Variants in DAPK1 observed in about 807,000 individuals in gnomAD.
DAPK1 encodes the protein death associated protein kinase 1.
In DAPK1, 56 loss-of-function variants were observed where a neutral mutation model predicts 144.9. That is an observed-to-expected ratio of 0.39 (90% confidence interval 0.31 to 0.48). DAPK1 has a LOEUF of 0.48. Among genes scored for constraint, DAPK1 ranks in the 20% least tolerant of loss-of-function variants. The pLI, the probability that DAPK1 is intolerant of heterozygous loss-of-function variation, is 0.95. For synonymous variants in DAPK1, 690 were observed against 749.0 expected (o/e 0.92, Z 1.29); for missense variants, 1,454 against 1,875.4 (o/e 0.78, Z 4.15).
intron 2 of DAPK1, among the ~76,000 whole-genome samples, chr9:87,557,614 C>A (rs1363316197): frequency 1.3e-5 from 2 of 152,072 alleles, no homozygotes; most frequent in Non-Finnish European, 2.9e-5. Flanking sequence ...AGAAGTGATC[C>A]ATTAAAAGAA....
chr9:87,524,488 G>A (rs1180638385), intron 2 of DAPK1, among the ~76,000 whole-genome samples: 1 of 152,196 alleles, frequency 6.6e-6, no homozygotes, highest in Non-Finnish European at 1.5e-5. Context: ...CTTTCTCAGA[G>A]CCTAACAGTA....
intron 2 of DAPK1, among the ~76,000 whole-genome samples, chr9:87,564,856 A>G (rs938173531): frequency 2.6e-5 from 4 of 152,160 alleles, no homozygotes; most frequent in African/African-American, 9.7e-5. Flanking sequence ...AACACATTCA[A>G]ACCACAGCCA....
At chr9:87,571,190 G>A (rs189546011) in intron 2 of DAPK1, among the ~76,000 whole-genome samples, 10 of 152,050 alleles carry the variant, frequency 6.6e-5, no homozygotes, top group Admixed American at 3.3e-4. Context: ...TTGTACCCTG[G>A]GAACAAAAGC....
At chr9:87,617,462 C>T (rs1167935719) in intron 3 of DAPK1, among the ~76,000 whole-genome samples, 4 of 152,126 alleles carry the variant, frequency 2.6e-5, no homozygotes. Flanking sequence ...TTGACATCCA[C>T]GTTTATAATG....
intron 2 of DAPK1, among the ~76,000 whole-genome samples, chr9:87,574,774 T>G (rs937563311): frequency 6.6e-6 from 1 of 151,478 alleles, no homozygotes; most frequent in Non-Finnish European, 1.5e-5. Context: ...CACAAAAAAT[T>G]AGCCGGGCTT....
At chr9:87,593,527 A>G (rs1828212842) in intron 2 of DAPK1, among the ~76,000 whole-genome samples, 1 of 152,200 alleles carries the variant, frequency 6.6e-6, no homozygotes, top group South Asian at 2.1e-4. Context: ...AATCTGGGCA[A>G]TTTAGTAGAG....
At chr9:87,520,578 G>C (rs1247581681) in intron 2 of DAPK1, among the ~76,000 whole-genome samples, 3 of 152,186 alleles carry the variant, frequency 2.0e-5, no homozygotes, top group Non-Finnish European at 4.4e-5. Context: ...CCGCCACTTT[G>C]GGGGGATGAA....
At chr9:87,643,161 T>G (rs1830153033) in intron 10 of DAPK1, among the ~76,000 whole-genome samples, 1 of 152,194 alleles carries the variant, frequency 6.6e-6, no homozygotes, top group Non-Finnish European at 1.5e-5. Flanking sequence ...TCTTGATTTA[T>G]AAGACCTTTA....
chr9:87,659,615 G>A (rs1386958507), intron 18 of DAPK1, among the ~76,000 whole-genome samples: 1 of 152,090 alleles, frequency 6.6e-6, no homozygotes. Context: ...CGTGAGCCGC[G>A]GGCCCCTCTG....
chr9:87,659,821 C>T (rs1830770873), intron 18 of DAPK1, among the ~76,000 whole-genome samples: 1 of 147,344 alleles, frequency 6.8e-6, no homozygotes, highest in Non-Finnish European at 1.5e-5. Flanking sequence ...ACTCTGCACA[C>T]ACCGCACCCG....
chr9:87,514,740 A>G (rs141609661), intron 2 of DAPK1, among the ~76,000 whole-genome samples: 99 of 152,338 alleles, frequency 6.5e-4, no homozygotes, highest in African/African-American at 2.3e-3. Context: ...AGAAAAAGCA[A>G]TTGCTCAAAT....
chr9:87,524,134 A>G (rs1248359020), intron 2 of DAPK1, among the ~76,000 whole-genome samples: 1 of 152,138 alleles, frequency 6.6e-6, no homozygotes, highest in Admixed American at 6.5e-5. Context: ...GCCCCGATAG[A>G]GGTTCTTACA....
Position 87,686,499 on chromosome 9 carries a change from C to T in DAPK1, c.2225-52C>T. Reference sequence around the variant, plus strand: ...CCTCAGGGCCAGCCTGGGAGGGAGACAGGCACACGCTGCCCCCATCGAGTA... The same window carrying T: ...CCTCAGGGCCAGCCTGGGAGGGAGATAGGCACACGCTGCCCCCATCGAGTA... On this transcript the variant is annotated intron_variant, in intron 20 of 25. Coordinates refer to ENST00000408954, the MANE Select transcript of DAPK1 (RefSeq NM_004938.4). This position sits in a 1 kb window ranked among gnomAD's most constrained non-coding sequence, Gnocchi z 4.2. 6 of 1,031,546 alleles carry T rather than the reference C, an allele frequency of 5.8e-6. No homozygotes were observed. Among genetic ancestry groups the T allele is most frequent in the Non-Finnish European group, 8.8e-6 (6 of 679,844 alleles). 63.9% of individuals were successfully genotyped at this position (1,031,546 alleles called of 1,614,324 possible).
At chr9:87,546,305 A>G (rs1826247775) in intron 2 of DAPK1, among the ~76,000 whole-genome samples, 1 of 152,194 alleles carries the variant, frequency 6.6e-6, no homozygotes. Flanking sequence ...GGGGAAAACG[A>G]GAGCAAGAGC....
At chr9:87,659,552 C>T (rs893523820) in intron 18 of DAPK1, among the ~76,000 whole-genome samples, 3 of 152,240 alleles carry the variant, frequency 2.0e-5, no homozygotes, top group African/African-American at 7.2e-5. Flanking sequence ...TGCTGATTCC[C>T]GCAGTGCGGG....
chr9:87,694,555 G>A (rs186171016), intron 21 of DAPK1, among the ~76,000 whole-genome samples: 11 of 152,290 alleles, frequency 7.2e-5, no homozygotes, highest in East Asian at 3.9e-4. Flanking sequence ...AGCCATATGC[G>A]GCCAGCTGGG....
intron 19 of DAPK1, among the ~76,000 whole-genome samples, chr9:87,680,229 C>T (rs1287507819): frequency 6.6e-6 from 1 of 152,106 alleles, no homozygotes; most frequent in Non-Finnish European, 1.5e-5. Context: ...CTCAGCCTCC[C>T]GAGTAGCTGG....
At chr9:87,562,574 G>A (rs1284423413) in intron 2 of DAPK1, among the ~76,000 whole-genome samples, 12 of 152,202 alleles carry the variant, frequency 7.9e-5, no homozygotes, top group Admixed American at 7.9e-4. Flanking sequence ...TGCCACAGTA[G>A]TTATTTAAAT....
intron 24 of DAPK1, 136 bp from the exon 25 acceptor site, chr9:87,702,893 A>G (rs1327573828): frequency 4.9e-6 from 3 of 613,522 alleles, no homozygotes; most frequent in Admixed American, 2.8e-5. Flanking sequence ...AAAAACGTCA[A>G]CAACAACAAA....
Sources: gnomAD v4.1 joint callset for allele counts (sites outside exome capture counted in the v4.1 genomes callset) on GRCh38, gnomAD v4.1.1 for gene constraint, Gnocchi (gnomAD v3.1) non-coding constraint, MANE v1.5 for transcripts, NCBI Gene and HGNC (gene_info 2026-07-23, HGNC 2026-07-21) for gene names.